The following FOCAD variants were observed in gnomAD, a reference collection of about 807,000 sequenced individuals.
FOCAD encodes focadhesin, also known as KIAA1797.
A neutral mutation model predicts 225.6 loss-of-function variants in FOCAD; 198 were observed. The ratio of observed to expected loss-of-function variants is 0.88; its 90% CI spans 0.78 to 0.99. The LOEUF (loss-of-function observed/expected upper bound fraction) is 0.99, where lower values mean the gene tolerates loss of function less well. Ranked by LOEUF, FOCAD falls within the 50% of genes least tolerant of loss-of-function variation. The pLI, the probability that FOCAD is intolerant of heterozygous loss-of-function variation, is 0.00. For missense variants in FOCAD, 2,713 were observed against 2,123.6 expected (o/e 1.28, Z -5.46); for synonymous variants, 897 against 755.0 (o/e 1.19, Z -3.08).
At chr9:20,677,809 T>G (rs1034397801) in intron 2 of FOCAD, among the ~76,000 whole-genome samples, 2 of 152,176 alleles carry the variant, frequency 1.3e-5, no homozygotes. Flanking sequence ...GAACTATATC[T>G]GATACTGCAA....
At chr9:20,796,611 T>G (rs1587199975) in intron 11 of FOCAD, among the ~76,000 whole-genome samples, 1 of 152,346 alleles carries the variant, frequency 6.6e-6, no homozygotes, top group East Asian at 1.9e-4. Flanking sequence ...CATAAATGTC[T>G]TCTTTTGAGA....
intron 35 of FOCAD, 51 bp downstream of exon 35, chr9:20,953,116 A>G (rs1224738719): frequency 6.8e-7 from 1 of 1,470,972 alleles, no homozygotes; most frequent in Non-Finnish European, 9.5e-7. Context: ...ATGTTGTTAT[A>G]AGTAAATTTG....
At chr9:20,727,214 C>A (rs1826271819) in intron 4 of FOCAD, among the ~76,000 whole-genome samples, 1 of 151,948 alleles carries the variant, frequency 6.6e-6, no homozygotes, top group Admixed American at 6.6e-5. Flanking sequence ...CCCAGAATTT[C>A]TCTCAACTTT....
At chr9:20,710,786 ATTTAT>A in intron 1 of FOCAD, among the ~76,000 whole-genome samples, 1 of 152,214 alleles carries the variant, frequency 6.6e-6, no homozygotes, top group Admixed American at 6.5e-5. Flanking sequence ...AAGAGGTATC[ATTTAT>A]TTTGTTTATT....
intron 11 of FOCAD, among the ~76,000 whole-genome samples, chr9:20,791,432 A>C (rs1199196206): frequency 1.3e-5 from 2 of 152,178 alleles, no homozygotes; most frequent in African/African-American, 4.8e-5. Flanking sequence ...TGATCAAATC[A>C]GGGTAATTAA....
At chr9:20,875,562 C>CCAGCCTAGGTGA (rs112676415) in intron 19 of FOCAD, 9 of 150,244 alleles carry the variant, frequency 6.0e-5, no homozygotes, top group Non-Finnish European at 1.0e-4. Context: ...CCACTGCATT[C>CCAGCCTAGGTGA]CAGCCTAGGT....
intron 21 of FOCAD, among the ~76,000 whole-genome samples, chr9:20,906,490 G>C (rs1443684407): frequency 6.6e-6 from 1 of 152,008 alleles, no homozygotes; most frequent in Non-Finnish European, 1.5e-5. Flanking sequence ...AGATAGCCAT[G>C]TACTAATAGG....
rs565030200 is a variant in FOCAD at position 20,990,709 on chromosome 9, C to T, written c.5256+335C>T. 4.6e-5 allele frequency among the ~76,000 whole-genome samples: 7 copies of T among 152,136 alleles called. No homozygotes were observed. The East Asian group carries it at 1.4e-3, about 29-fold the overall frequency. On this transcript the variant is annotated intron_variant, in intron 42 of 43. Coordinates refer to ENST00000338382, the MANE Select transcript of FOCAD (RefSeq NM_001375567.1). ...GAGCTCAGAATCTCAAGGTGAGGGT[C>T]GACGGGAAGGCAAATTCAGGATTGC...
intron 35 of FOCAD, among the ~76,000 whole-genome samples, chr9:20,973,709 C>A (rs1198713957): frequency 6.6e-6 from 1 of 151,612 alleles, no homozygotes; most frequent in Non-Finnish European, 1.5e-5. Context: ...CCCTACTTCC[C>A]TCTTCTTTCA....
intron 6 of FOCAD, among the ~76,000 whole-genome samples, chr9:20,760,468 G>A (rs936478902): frequency 7.9e-5 from 12 of 152,192 alleles, no homozygotes; most frequent in African/African-American, 2.9e-4. Flanking sequence ...TTATGCTTTA[G>A]CAGTACAATG....
intron 26 of FOCAD, among the ~76,000 whole-genome samples, chr9:20,928,221 T>G (rs907214671): frequency 6.6e-6 from 1 of 152,172 alleles, no homozygotes; most frequent in Non-Finnish European, 1.5e-5. Flanking sequence ...CAGCTCTGAT[T>G]GTCTCTTACC....
chr9:20,735,015 T>A (rs938806818), intron 4 of FOCAD, among the ~76,000 whole-genome samples: 2 of 152,194 alleles, frequency 1.3e-5, no homozygotes, highest in Non-Finnish European at 2.9e-5. Context: ...ATAGATACTG[T>A]CAATTTGCTC....
chr9:20,856,495 T>G (rs1255897311), intron 15 of FOCAD, among the ~76,000 whole-genome samples: 1 of 152,056 alleles, frequency 6.6e-6, no homozygotes, highest in Non-Finnish European at 1.5e-5. Context: ...ATTAATTCCT[T>G]GTCAAATTTA....
chr9:20,710,271 T>C (rs1824728797), intron 1 of FOCAD, among the ~76,000 whole-genome samples: 1 of 139,456 alleles, frequency 7.2e-6, no homozygotes, highest in South Asian at 2.3e-4. Context: ...ACATGTTACA[T>C]TTTGCCTGTG....
At chr9:20,828,235 A>G (rs1825115024) in intron 15 of FOCAD, among the ~76,000 whole-genome samples, 2 of 151,918 alleles carry the variant, frequency 1.3e-5, no homozygotes, top group African/African-American at 2.4e-5. Context: ...TGATAGATAT[A>G]TTAGTTTGCT....
intron 11 of FOCAD, among the ~76,000 whole-genome samples, chr9:20,814,205 A>G (rs962140506): frequency 7.2e-5 from 11 of 152,094 alleles, no homozygotes; most frequent in Non-Finnish European, 1.2e-4. Context: ...AGTGGTAGGA[A>G]AGGACTTACT....
intron 21 of FOCAD, among the ~76,000 whole-genome samples, chr9:20,904,630 T>C (rs112032378): frequency 0.014 from 2,193 of 152,102 alleles, 62 homozygotes; most frequent in African/African-American, 0.05. Flanking sequence ...CCCTAAGCCA[T>C]AGGACTGTTC....
At chr9:20,715,444 CAAAT>C (rs749634261) in intron 2 of FOCAD, 34 bp downstream of exon 2, 24 of 1,326,932 alleles carry the variant, frequency 1.8e-5, no homozygotes, top group Non-Finnish European at 2.5e-5. Flanking sequence ...CTCATGGTAA[CAAAT>C]AAACCTGTTC....
At chr9:20,935,803 A>G (rs918203121) in intron 28 of FOCAD, among the ~76,000 whole-genome samples, 1 of 152,238 alleles carries the variant, frequency 6.6e-6, no homozygotes, top group Non-Finnish European at 1.5e-5. Context: ...GTGCCTAAGA[A>G]GTAGAAATGG....
Sources: gnomAD v4.1 joint callset for allele counts (sites outside exome capture counted in the v4.1 genomes callset) on GRCh38, gnomAD v4.1.1 for gene constraint, MANE v1.5 for transcripts, NCBI Gene and HGNC (gene_info 2026-07-23, HGNC 2026-07-21) for gene names.